Variants in MAP3K14 observed in about 807,000 individuals in gnomAD.
The protein encoded by MAP3K14 is NF-kappa-beta-inducing kinase.
In MAP3K14, 16 loss-of-function variants were observed where a neutral mutation model predicts 99.2. That is an observed-to-expected ratio of 0.16 (90% CI 0.11 to 0.24). The LOEUF (loss-of-function observed/expected upper bound fraction) is 0.24. Among genes scored for constraint, MAP3K14 ranks in the 10% least tolerant of loss-of-function variants. The probability of loss-of-function intolerance (pLI) is 1.00; values close to 1 mark genes in which losing one functional copy is unlikely to be tolerated. For synonymous variants in MAP3K14, 462 were observed against 492.4 expected, an observed-to-expected ratio of 0.94 and a Z score of 0.82; for missense variants, 784 against 1,208.7, an observed-to-expected ratio of 0.65 and a Z score of 5.21.
chr17:45,274,547 C>T lies in MAP3K14; in HGVS notation c.1337G>A (p.Gly446Glu), dbSNP rs980534414. 6 of 1,613,984 alleles carry T rather than the reference C, an allele frequency of 3.7e-6. No homozygotes were observed. The highest frequency in any genetic ancestry group is 1.7e-4 in the Middle Eastern group (1 of 6,018). Residue 446 changes from glycine (G) to glutamate (E), a missense_variant, in exon 7 of 16, where the codon GGA becomes GAA. Gly to Glu is a moderately conservative substitution (Grantham distance 98). Coordinates refer to ENST00000344686, the MANE Select transcript of MAP3K14 (RefSeq NM_003954.5). Reference protein sequence around the residue: ...FRAEELMACAGLTSPRIVPLY... With the variant: ...FRAEELMACAELTSPRIVPLY... ...AGGGACAATTCTGGGTGAGGTCAAT[C>T]CTGCACATGCCATCAGCTCCTCTGC...
At chr17:45,299,930 A>T (rs1443362135) in intron 1 of MAP3K14, among the ~76,000 whole-genome samples, 1 of 152,088 alleles carries the variant, frequency 6.6e-6, no homozygotes, top group Non-Finnish European at 1.5e-5. Context: ...TCTCTACTAA[A>T]AATACAAAAA....
chr17:45,271,840 G>C (rs2044145001), intron 9 of MAP3K14, among the ~76,000 whole-genome samples: 2 of 152,102 alleles, frequency 1.3e-5, no homozygotes, highest in Admixed American at 6.5e-5. Context: ...GGTTGTAGAA[G>C]GCTAGTAAGT....
rs562133831 is a variant in MAP3K14, at chr17:45,303,043, C to T, written c.-20-12278G>A. Among the ~76,000 whole-genome samples the T allele has an allele frequency of 2.6e-5, 4 of 152,354 alleles. No individual in the cohort carries two copies. The East Asian group carries it at 5.8e-4, about 22-fold the overall frequency. ...GCAAATGCATGCGTGGTTACAGGCC[C>T]GTGCTAGTGCTGGATGGACCACATG... is the stretch of plus-strand genomic sequence containing the variant. On this transcript the variant is annotated intron_variant, in intron 1 of 15. Coordinates refer to ENST00000344686, the MANE Select transcript of MAP3K14 (RefSeq NM_003954.5).
chr17:45,307,611 G>A (rs2044440198), intron 1 of MAP3K14, among the ~76,000 whole-genome samples: 3 of 152,104 alleles, frequency 2.0e-5, no homozygotes, highest in South Asian at 2.1e-4. Flanking sequence ...GGTCAATCTC[G>A]CTGAAATACA....
intron 6 of MAP3K14, among the ~76,000 whole-genome samples, chr17:45,276,266 A>G (rs946845600): frequency 2.0e-5 from 3 of 152,306 alleles, no homozygotes; most frequent in Admixed American, 1.3e-4. Flanking sequence ...GGTGGGAGGA[A>G]ATAGGCCTTG....
In MAP3K14 at chr17:45,290,845, A is replaced by C. The variant is rs930801299; in HGVS notation, c.-20-80T>G. 4 of 1,438,188 alleles carry C rather than the reference A, an allele frequency of 2.8e-6. No individual in the cohort carries two copies. In the African/African-American group the frequency reaches 4.2e-5, roughly 15 times the overall value. 89.1% of individuals were successfully genotyped at this position (1,438,188 alleles called of 1,614,324 possible). A position where few individuals can be genotyped will look rare whatever the true frequency, so the allele number is the denominator to read the frequency against. On this transcript the variant is annotated intron_variant, in intron 1 of 15. Transcript: ENST00000344686. ...ACAGGTCAGCCTTGGGTTGGGGGAG[A>C]AAGGCAGGGGCAAAGGGTCTCTGCC... is the stretch of plus-strand genomic sequence containing the variant.
intron 3 of MAP3K14, 81 bp downstream of exon 3, chr17:45,289,155 G>C (rs983894457): frequency 1.6e-6 from 2 of 1,286,770 alleles, no homozygotes; most frequent in African/African-American, 2.9e-5. Flanking sequence ...GGGTCAGCAG[G>C]AGCGGCCCAG....
chr17:45,297,477 G>A (rs2044354438), intron 1 of MAP3K14, among the ~76,000 whole-genome samples: 2 of 152,174 alleles, frequency 1.3e-5, no homozygotes, highest in African/African-American at 4.8e-5. Context: ...GACTTAACTT[G>A]ATGGTTTTAA....
At chr17:45,289,422 AACCCC>A in intron 2 of MAP3K14, 117 bp from the exon 3 acceptor site, 2 of 769,358 alleles carry the variant, frequency 2.6e-6, no homozygotes, top group Non-Finnish European at 4.4e-6. Context: ...CTTTCCAGAC[AACCCC>A]TGTCTGGCAG....
At chr17:45,312,825 C>T (rs1396160810) in intron 1 of MAP3K14, among the ~76,000 whole-genome samples, 2 of 152,180 alleles carry the variant, frequency 1.3e-5, no homozygotes, top group African/African-American at 2.4e-5. Context: ...GGGTGGTGAG[C>T]TGGGGATGCC....
In MAP3K14 at chr17:45,267,378, GC is replaced by G; in HGVS notation, c.2326+27del. On this transcript the variant is annotated intron_variant, in intron 12 of 15. Coordinates refer to ENST00000344686, the MANE Select transcript of MAP3K14 (RefSeq NM_003954.5). The surrounding 1 kb of genome is among the most constrained non-coding windows in gnomAD (Gnocchi z 5.1). ...GGGTGGCCCAGGGCCAGTGCTCAGG[GC>G]CCCACTGCAGCCACGGCTGCCCGTA... 6.4e-7 allele frequency: 1 copy of G among 1,554,878 alleles called. No homozygotes were observed. Among genetic ancestry groups the G allele is most frequent in the Non-Finnish European group, 8.7e-7 (1 of 1,149,434 alleles).
rs774494640 is a variant in MAP3K14, at chr17:45,273,494, G to A, written c.1657+9C>T. The A allele has an allele frequency of 4.2e-5, 66 of 1,582,192 alleles. No individual in the cohort carries two copies. The highest frequency in any genetic ancestry group is 5.4e-5 in the Non-Finnish European group (62 of 1,155,590). ...ATTGGGGGGCACGGCAGTTGGTGGG[G>A]GGCCTTACCTGTGAGCAAGGACTTT... On this transcript the variant is annotated intron_variant, in intron 9 of 15. Transcript: ENST00000344686.
intron 6 of MAP3K14, among the ~76,000 whole-genome samples, chr17:45,280,291 C>G (rs1189016862): frequency 2.7e-5 from 4 of 147,834 alleles, no homozygotes; most frequent in African/African-American, 5.0e-5. Context: ...ACATGCAACA[C>G]AGAAACACTT....
Position 45,272,079 on chromosome 17 carries a change from T to C in MAP3K14, c.1658-858A>G, listed in dbSNP as rs1049073207. Among the ~76,000 whole-genome samples the C allele has an allele frequency of 6.6e-6, 1 of 152,132 alleles. No individual in the cohort carries two copies. The highest frequency in any genetic ancestry group is 1.5e-5 in the Non-Finnish European group (1 of 68,028). On this transcript the variant is annotated intron_variant, in intron 9 of 15. Coordinates refer to ENST00000344686, the MANE Select transcript of MAP3K14 (RefSeq NM_003954.5). This position sits in a 1 kb window ranked among gnomAD's most constrained non-coding sequence, Gnocchi z 4.1. ...GCTCATGCCTGTAATCCCAGCACTT[T>C]GGGAGACTGAGGTGGGAGGAATGCT...
chr17:45,267,588 GGCT>G lies in MAP3K14; in HGVS notation c.2141_2143del (p.Gln714del). On this transcript the variant is annotated inframe_deletion, in exon 12 of 16. Coordinates refer to ENST00000344686, the MANE Select transcript of MAP3K14 (RefSeq NM_003954.5). This position sits in a 1 kb window ranked among gnomAD's most constrained non-coding sequence, Gnocchi z 5.1. ...CTCTGGGGGCTCTGGTGGGAGAGGA[GGCT>G]GGAGCTTAGGGGCTCTGCCTGTTGT... 3.1e-6 allele frequency: 5 copies of G among 1,613,206 alleles called. No homozygotes were observed. In the South Asian group the frequency reaches 5.5e-5, roughly 18 times the overall value.
At chr17:45,295,774 G>A (rs1598260338) in intron 1 of MAP3K14, among the ~76,000 whole-genome samples, 1 of 152,212 alleles carries the variant, frequency 6.6e-6, no homozygotes, top group Non-Finnish European at 1.5e-5. Flanking sequence ...GAATGAAGAC[G>A]AGTACATGAA....
intron 1 of MAP3K14, among the ~76,000 whole-genome samples, chr17:45,295,945 T>A (rs1376124419): frequency 6.6e-6 from 1 of 152,212 alleles, no homozygotes; most frequent in Non-Finnish European, 1.5e-5. Flanking sequence ...ATGCAATGCT[T>A]GGAGCCTTGA....
chr17:45,283,370 C>T (rs192426646), intron 6 of MAP3K14, among the ~76,000 whole-genome samples: 100 of 152,326 alleles, frequency 6.6e-4, no homozygotes, highest in African/African-American at 2.3e-3. Flanking sequence ...GAACTCAGCA[C>T]GCACTCAGCA....
chr17:45,314,311 T>C (rs1169216777), intron 1 of MAP3K14, among the ~76,000 whole-genome samples: 1 of 152,198 alleles, frequency 6.6e-6, no homozygotes, highest in African/African-American at 2.4e-5. Context: ...CCTTCACACA[T>C]GCATCACTTT....
Sources: gnomAD v4.1 joint callset for allele counts (sites outside exome capture counted in the v4.1 genomes callset) on GRCh38, gnomAD v4.1.1 for gene constraint, Gnocchi (gnomAD v3.1) non-coding constraint, MANE v1.5 for transcripts, NCBI Gene and HGNC (gene_info 2026-07-23, HGNC 2026-07-21) for gene names.